Variants in TUSC3 observed in about 807,000 individuals in gnomAD.
TUSC3 encodes the protein tumor suppressor candidate 3.
In TUSC3, 45 loss-of-function variants were observed where a neutral mutation model predicts 44.8. The observed-to-expected ratio is 1.00, with a 90% CI of 0.79 to 1.29. The LOEUF (loss-of-function observed/expected upper bound fraction) is 1.29, where lower values mean the gene tolerates loss of function less well. Among genes scored for constraint, TUSC3 ranks in the 50% most tolerant of loss-of-function variants. TUSC3 has a pLI of 0.00. For missense variants in TUSC3, 519 were observed against 437.9 expected, an observed-to-expected ratio of 1.19 and a Z score of -1.65; for synonymous variants, 212 against 152.9, an observed-to-expected ratio of 1.39 and a Z score of -2.85.
chr8:15,433,142 A>G lies in TUSC3; in HGVS notation n.91+15837A>G, dbSNP rs531473689. The stretch of plus-strand genomic sequence containing the variant: ...CCTTTTTGCATTTATATTGTTTCAG[A>G]TTTTTATTATAATTTTTTAAAGATG... On this transcript the variant is annotated intron_variant and non_coding_transcript_variant, in intron 1 of 5. Transcript: ENST00000503191. Among the ~76,000 whole-genome samples the G allele has an allele frequency of 2.4e-4, 36 of 152,122 alleles. No homozygotes were observed. The Middle Eastern group carries it at 0.014, about 57-fold the overall frequency.
At chr8:15,770,976 A>C (rs1812431931), downstream of TUSC3, among the ~76,000 whole-genome samples, 1 of 152,234 alleles carries the variant, frequency 6.6e-6, no homozygotes, top group Non-Finnish European at 1.5e-5. Context: ...CATTAAAATA[A>C]AACTGTCAAG....
chr8:15,832,564 G>A, the TUSC3 span, among the ~76,000 whole-genome samples: 1 of 152,094 alleles, frequency 6.6e-6, no homozygotes, highest in Non-Finnish European at 1.5e-5. Flanking sequence ...ACACCAACAG[G>A]CTCAAAATAA....
At chr8:15,800,754 T>G in the TUSC3 span, among the ~76,000 whole-genome samples, 1 of 152,118 alleles carries the variant, frequency 6.6e-6, no homozygotes, top group Non-Finnish European at 1.5e-5. Flanking sequence ...TACTGAGACG[T>G]TCATGGCACA....
At chr8:15,517,596 A>G (rs1258203803) in intron 2 of TUSC3, among the ~76,000 whole-genome samples, 3 of 144,852 alleles carry the variant, frequency 2.1e-5, no homozygotes, top group African/African-American at 7.7e-5. Context: ...CAGCTGTTGG[A>G]TGAGTGTACT....
chr8:15,698,527 C>G (rs1201431264), intron 6 of TUSC3, among the ~76,000 whole-genome samples: 1 of 152,152 alleles, frequency 6.6e-6, no homozygotes. Flanking sequence ...GAGACTGCCT[C>G]AAACCTCATT....
rs192470988 is a variant in TUSC3 at position 15,625,952 on chromosome 8, A to C, written c.308+2703A>C. 3.9e-5 allele frequency among the ~76,000 whole-genome samples: 6 copies of C among 152,356 alleles called. No individual in the cohort carries two copies. In the East Asian group the frequency reaches 7.7e-4, roughly 20 times the overall value. On this transcript the variant is annotated intron_variant, in intron 2 of 10. Transcript: ENST00000503731. ...ACTATTGTCAGAATTGGGCTAGCAC[A>C]TAAGGATAGAGTATATATACCTTAA... is the stretch of plus-strand genomic sequence containing the variant.
intron 1 of TUSC3, among the ~76,000 whole-genome samples, chr8:15,439,676 A>G (rs1378853056): frequency 6.6e-6 from 1 of 152,240 alleles, no homozygotes; most frequent in Non-Finnish European, 1.5e-5. Flanking sequence ...TGAGGACTAG[A>G]TCTCAAGTGC....
At chr8:15,738,617 C>T (rs79480997) in intron 7 of TUSC3, among the ~76,000 whole-genome samples, 2 of 152,042 alleles carry the variant, frequency 1.3e-5, no homozygotes, top group East Asian at 3.9e-4. Flanking sequence ...AATTTCTGCT[C>T]TATAGGCTGT....
At chr8:15,430,453 A>T (rs1799858334) in intron 1 of TUSC3, among the ~76,000 whole-genome samples, 3 of 150,590 alleles carry the variant, frequency 2.0e-5, no homozygotes, top group Admixed American at 2.0e-4. Context: ...AACTCTCAAT[A>T]AATTAAGTAT....
chr8:15,484,810 A>T (rs1800714377), intron 2 of TUSC3, among the ~76,000 whole-genome samples: 1 of 152,218 alleles, frequency 6.6e-6, no homozygotes, highest in Non-Finnish European at 1.5e-5. Flanking sequence ...GTTCATCCAA[A>T]TAGTAAAAAT....
chr8:15,445,681 G>T (rs373952343), intron 1 of TUSC3, among the ~76,000 whole-genome samples: 1 of 152,224 alleles, frequency 6.6e-6, no homozygotes, highest in East Asian at 1.9e-4. Context: ...ATTTTTCTTA[G>T]TACAAAACAA....
intron 1 of TUSC3, among the ~76,000 whole-genome samples, chr8:15,455,507 A>G (rs1202081296): frequency 6.6e-6 from 1 of 152,176 alleles, no homozygotes. Context: ...AGACATGTAT[A>G]TATGTGTATA....
chr8:15,437,985 G>A (rs1799971842), intron 1 of TUSC3, among the ~76,000 whole-genome samples: 1 of 152,196 alleles, frequency 6.6e-6, no homozygotes, highest in African/African-American at 2.4e-5. Flanking sequence ...ACAGACATTT[G>A]TTATAAGGTC....
At chr8:15,703,703 T>C (rs1363950095) in intron 6 of TUSC3, among the ~76,000 whole-genome samples, 4 of 152,070 alleles carry the variant, frequency 2.6e-5, no homozygotes, top group Non-Finnish European at 5.9e-5. Flanking sequence ...AGGAGTGACG[T>C]ACCAGATTCT....
chr8:15,654,425 C>T (rs939344953), intron 3 of TUSC3, among the ~76,000 whole-genome samples: 4 of 152,082 alleles, frequency 2.6e-5, no homozygotes, highest in Admixed American at 1.3e-4. Flanking sequence ...TCCTGATGTA[C>T]AGGGCCATAT....
intron 2 of TUSC3, among the ~76,000 whole-genome samples, chr8:15,497,981 T>A (rs925339559): frequency 3.3e-5 from 5 of 152,114 alleles, no homozygotes; most frequent in African/African-American, 1.2e-4. Flanking sequence ...ACTCCTGACC[T>A]AAAATGATCC....
chr8:15,462,771 G>C (rs1056807717), intron 1 of TUSC3, among the ~76,000 whole-genome samples: 6 of 151,996 alleles, frequency 3.9e-5, no homozygotes, highest in African/African-American at 1.4e-4. Flanking sequence ...AGCTGTTAAA[G>C]CTTTTGCTTC....
chr8:15,475,504 G>T (rs1427305949), intron 1 of TUSC3, among the ~76,000 whole-genome samples: 1 of 152,072 alleles, frequency 6.6e-6, no homozygotes, highest in Non-Finnish European at 1.5e-5. Flanking sequence ...TTTCCAAAGA[G>T]ATTTTTAAAT....
At chr8:15,596,035 T>A (rs1262768652) in intron 1 of TUSC3, among the ~76,000 whole-genome samples, 5 of 152,216 alleles carry the variant, frequency 3.3e-5, no homozygotes, top group African/African-American at 4.8e-5. Flanking sequence ...TAGCCAGTAT[T>A]CTTACATGTA....
Sources: gnomAD v4.1 joint callset for allele counts (sites outside exome capture counted in the v4.1 genomes callset) on GRCh38, gnomAD v4.1.1 for gene constraint, MANE v1.5 for transcripts, NCBI Gene and HGNC (gene_info 2026-07-23, HGNC 2026-07-21) for gene names.